The following KLHL8 variants were observed in gnomAD, a reference collection of about 807,000 sequenced individuals.
KLHL8 encodes the protein kelch like family member 8, also known as kelch-like protein 8.
A neutral mutation model predicts 63.5 loss-of-function variants in KLHL8; 38 were observed. The ratio of observed to expected loss-of-function variants is 0.60; its 90% CI spans 0.46 to 0.78. The LOEUF (loss-of-function observed/expected upper bound fraction) is 0.78. KLHL8 is among the 30% of genes least tolerant of loss of function. The pLI is 0.00. For synonymous variants in KLHL8, 224 were observed against 254.3 expected, an observed-to-expected ratio of 0.88 and a Z score of 1.13; for missense variants, 566 against 752.4, an observed-to-expected ratio of 0.75 and a Z score of 2.90.
chr4:87,236,750 T>C (rs1458378559), intron 1 of KLHL8, among the ~76,000 whole-genome samples: 1 of 144,082 alleles, frequency 6.9e-6, no homozygotes, highest in Non-Finnish European at 1.5e-5. Context: ...CTGCAAACTC[T>C]ACCTCCCGGG....
At chr4:87,176,283 G>A (rs1022693989) in intron 6 of KLHL8, among the ~76,000 whole-genome samples, 1 of 152,154 alleles carries the variant, frequency 6.6e-6, no homozygotes, top group Non-Finnish European at 1.5e-5. Context: ...ATTCTTTGCT[G>A]TGCATTATAG....
chr4:87,175,278 G>T (rs192762186), intron 6 of KLHL8, among the ~76,000 whole-genome samples: 1 of 152,282 alleles, frequency 6.6e-6, no homozygotes, highest in East Asian at 1.9e-4. Context: ...GATACGGAGA[G>T]ATCAGTGTCA....
intron 1 of KLHL8, among the ~76,000 whole-genome samples, chr4:87,234,050 T>C (rs1271151036): frequency 6.6e-6 from 1 of 152,212 alleles, no homozygotes; most frequent in Non-Finnish European, 1.5e-5. Context: ...TCTGGGTCCA[T>C]ACTGTAGATG....
intron 1 of KLHL8, among the ~76,000 whole-genome samples, chr4:87,197,131 C>T (rs1218707683): frequency 6.6e-6 from 1 of 152,176 alleles, no homozygotes; most frequent in Non-Finnish European, 1.5e-5. Context: ...CTGTGGCAGA[C>T]ATACATGACA....
At position 87,202,205 on chromosome 4, in the gene KLHL8, G is replaced by A. The variant is rs568458085; in HGVS notation, c.-151-6515C>T. ...CAAAATAAACTCAAAGCAAGCATAA[G>A]GAAATAAACAGCACAAACAAAATTA... On this transcript the variant is annotated intron_variant, in intron 1 of 9. Coordinates refer to ENST00000273963, the MANE Select transcript of KLHL8 (RefSeq NM_020803.5). Among the ~76,000 whole-genome samples, 22 of 151,544 alleles carry A rather than the reference G, an allele frequency of 1.5e-4. No individual in the cohort carries two copies. In the East Asian group the frequency reaches 3.5e-3, roughly 24 times the overall value.
At chr4:87,216,323 T>C (rs996702643) in intron 1 of KLHL8, among the ~76,000 whole-genome samples, 5 of 152,212 alleles carry the variant, frequency 3.3e-5, no homozygotes, top group African/African-American at 1.2e-4. Context: ...AAAAATAGCC[T>C]GTTCTCTTTC....
intron 8 of KLHL8, chr4:87,167,555 G>C (rs555077825): frequency 5.6e-6 from 3 of 536,478 alleles, no homozygotes; most frequent in South Asian, 1.4e-5. Context: ...TTGTCTTTCT[G>C]CTCTGGGGCT....
chr4:87,230,123 T>C (rs1212426501), intron 1 of KLHL8, among the ~76,000 whole-genome samples: 1 of 152,118 alleles, frequency 6.6e-6, no homozygotes, highest in African/African-American at 2.4e-5. Flanking sequence ...AATAATGCAG[T>C]ACTTCTGAGC....
At position 87,162,265 on chromosome 4, in the gene KLHL8, AATATAC is replaced by A. The variant is rs1477522494; in HGVS notation, c.*1248_*1253del. ...TGTTCTTGATAAATATTTATAAAAA[AATATAC>A]ATATAATGAATAGGCCATTTTATAA... On this transcript the variant is annotated 3_prime_UTR_variant, in exon 10 of 10. Coordinates refer to ENST00000273963, the MANE Select transcript of KLHL8 (RefSeq NM_020803.5). The A allele has an allele frequency of 6.6e-6, 1 of 152,244 alleles. No individual in the cohort carries two copies. The highest frequency in any genetic ancestry group is 1.5e-5 in the Non-Finnish European group (1 of 68,034). The allele number at this position is 152,244 out of a possible 1,614,324, so 9.4% of individuals were successfully genotyped here.
rs536250123 is a variant in KLHL8 at position 87,204,622 on chromosome 4, C to T, written c.-151-8932G>A. Among the ~76,000 whole-genome samples the T allele has an allele frequency of 2.0e-5, 3 of 152,332 alleles. No homozygotes were observed. The East Asian group carries it at 5.8e-4, about 29-fold the overall frequency. On this transcript the variant is annotated intron_variant, in intron 1 of 9. Transcript: ENST00000273963. ...GTGGGTACACCCATACAATAGAACA[C>T]TACCTCACAATAAAAAGGAACAAAC...
intron 1 of KLHL8, among the ~76,000 whole-genome samples, chr4:87,210,518 C>T (rs1431378764): frequency 6.6e-6 from 1 of 152,040 alleles, no homozygotes; most frequent in Non-Finnish European, 1.5e-5. Context: ...AGTTATTTTA[C>T]AATTCAGTTA....
chr4:87,170,935 G>A (rs1730610284), intron 6 of KLHL8, among the ~76,000 whole-genome samples: 1 of 152,156 alleles, frequency 6.6e-6, no homozygotes, highest in Non-Finnish European at 1.5e-5. Flanking sequence ...ACACACAGCG[G>A]CATAACTGAG....
At chr4:87,177,274 G>T (rs1730860412) in intron 5 of KLHL8, among the ~76,000 whole-genome samples, 1 of 152,090 alleles carries the variant, frequency 6.6e-6, no homozygotes, top group African/African-American at 2.4e-5. Flanking sequence ...CAGCACTTTG[G>T]AAGGCTGAGG....
At chr4:87,174,300 C>T (rs1268810650) in intron 6 of KLHL8, among the ~76,000 whole-genome samples, 6 of 147,836 alleles carry the variant, frequency 4.1e-5, no homozygotes, top group African/African-American at 1.2e-4. Flanking sequence ...TTTTTTGAGA[C>T]GGAATTTTGC....
chr4:87,210,576 T>C (rs1395905905), intron 1 of KLHL8, among the ~76,000 whole-genome samples: 1 of 152,182 alleles, frequency 6.6e-6, no homozygotes. Context: ...CAGTATGTGA[T>C]TAATTTTAGA....
chr4:87,189,364 C>A (rs1215528301), intron 2 of KLHL8, among the ~76,000 whole-genome samples: 1 of 152,208 alleles, frequency 6.6e-6, no homozygotes, highest in Non-Finnish European at 1.5e-5. Context: ...AGGGAAAAAT[C>A]ATGTCACACT....
chr4:87,180,427 C>T (rs1731006308), intron 4 of KLHL8, among the ~76,000 whole-genome samples: 1 of 152,204 alleles, frequency 6.6e-6, no homozygotes, highest in African/African-American at 2.4e-5. Flanking sequence ...ACTTTCTCTA[C>T]AAAACCTTTT....
At chr4:87,240,371 C>A (rs768513095), upstream of KLHL8, 1 of 152,180 alleles carries the variant, frequency 6.6e-6, no homozygotes. Context: ...CCACTTTGTA[C>A]TTAGAAAGTA....
intron 1 of KLHL8, among the ~76,000 whole-genome samples, chr4:87,218,978 C>T (rs1314613968): frequency 6.6e-6 from 1 of 152,114 alleles, no homozygotes; most frequent in African/African-American, 2.4e-5. Context: ...CTCAAGTGAT[C>T]CCCCCGCCTC....
Sources: allele counts gnomAD v4.1 joint callset (sites outside exome capture counted in the v4.1 genomes callset), GRCh38; gene constraint gnomAD v4.1.1; transcripts MANE v1.5; gene names NCBI Gene and HGNC (gene_info 2026-07-23, HGNC 2026-07-21).